Variants in GPR158 observed in about 807,000 individuals in gnomAD.
GPR158 encodes G protein-coupled receptor 158, also known as metabotropic glycine receptor.
GPR158 carries 30 observed loss-of-function variants against 78.2 expected under a neutral mutation model. The observed-to-expected ratio is 0.38, with a 90% CI of 0.29 to 0.52. GPR158 has a LOEUF of 0.52. GPR158 is among the 20% of genes least tolerant of loss of function. GPR158 has a pLI of 0.83. For missense variants in GPR158, 1,463 were observed against 1,523.5 expected (o/e 0.96, Z 0.66); for synonymous variants, 581 against 591.1 (o/e 0.98, Z 0.25).
rs370391499 is a variant in GPR158, at chr10:25,394,256, T to C, written c.1009-1655T>C. 2.0e-5 allele frequency among the ~76,000 whole-genome samples: 3 copies of C among 152,316 alleles called. No individual in the cohort carries two copies. The South Asian group carries it at 6.2e-4, about 32-fold the overall frequency. Reference sequence around the variant, plus strand: ...ATGTCTGTGTCTGGTGGAATAGTTATTCTCATTAATTAAAGACAGTAAGGC... The same window carrying C: ...ATGTCTGTGTCTGGTGGAATAGTTACTCTCATTAATTAAAGACAGTAAGGC... On this transcript the variant is annotated intron_variant, in intron 2 of 10. Coordinates refer to ENST00000376351, the MANE Select transcript of GPR158 (RefSeq NM_020752.3).
intron 1 of GPR158, among the ~76,000 whole-genome samples, chr10:25,180,747 A>G (rs1852601524): frequency 6.6e-6 from 1 of 152,162 alleles, no homozygotes; most frequent in African/African-American, 2.4e-5. Context: ...ATGGTCAACA[A>G]ATATGTTTTG....
At chr10:25,359,429 C>G (rs1293413215) in intron 2 of GPR158, among the ~76,000 whole-genome samples, 1 of 152,016 alleles carries the variant, frequency 6.6e-6, no homozygotes, top group African/African-American at 2.4e-5. Context: ...CCCTGACAGG[C>G]CTGAGTATAT....
chr10:25,552,326 C>T (rs1836737239), intron 6 of GPR158, among the ~76,000 whole-genome samples: 1 of 152,190 alleles, frequency 6.6e-6, no homozygotes, highest in African/African-American at 2.4e-5. Flanking sequence ...CTTCAACTAC[C>T]TTCCAGGTTT....
intron 6 of GPR158, among the ~76,000 whole-genome samples, chr10:25,563,000 G>A (rs958546570): frequency 1.3e-5 from 2 of 152,072 alleles, no homozygotes; most frequent in African/African-American, 4.8e-5. Context: ...ATCTTCTTGA[G>A]GGATTGACCC....
At chr10:25,389,488 G>T (rs1185381982) in intron 2 of GPR158, among the ~76,000 whole-genome samples, 1 of 152,186 alleles carries the variant, frequency 6.6e-6, no homozygotes, top group Non-Finnish European at 1.5e-5. Flanking sequence ...ACAGAGAGGA[G>T]TTCCCCACTG....
intron 5 of GPR158, among the ~76,000 whole-genome samples, chr10:25,535,932 C>T (rs1218250240): frequency 1.3e-5 from 2 of 152,178 alleles, no homozygotes; most frequent in Non-Finnish European, 2.9e-5. Context: ...AGTAATAAAA[C>T]TGGCATTTCT....
At chr10:25,349,367 C>A (rs142539364) in intron 2 of GPR158, among the ~76,000 whole-genome samples, 8 of 127,890 alleles carry the variant, frequency 6.3e-5, no homozygotes, top group Non-Finnish European at 1.2e-4. Context: ...TTAACTTAAA[C>A]ACATTTGCAA....
At chr10:25,496,307 C>T (rs772216438) in intron 5 of GPR158, among the ~76,000 whole-genome samples, 2 of 152,082 alleles carry the variant, frequency 1.3e-5, no homozygotes, top group African/African-American at 2.4e-5. Context: ...GACTATACTA[C>T]GGGATCCTTT....
At chr10:25,246,598 G>A (rs1853692989) in intron 2 of GPR158, among the ~76,000 whole-genome samples, 1 of 152,178 alleles carries the variant, frequency 6.6e-6, no homozygotes, top group African/African-American at 2.4e-5. Context: ...CATGGCACCT[G>A]CCTGCAAAGA....
chr10:25,409,961 A>G (rs1046124262), intron 3 of GPR158, among the ~76,000 whole-genome samples: 3 of 152,078 alleles, frequency 2.0e-5, no homozygotes, highest in African/African-American at 7.3e-5. Flanking sequence ...TAAAACTCCT[A>G]CTCTTTGGAA....
chr10:25,216,645 A>G (rs1418824253), intron 1 of GPR158, among the ~76,000 whole-genome samples: 1 of 152,196 alleles, frequency 6.6e-6, no homozygotes, highest in Non-Finnish European at 1.5e-5. Context: ...ATATTATAAT[A>G]TAGTGTGCTA....
intron 2 of GPR158, among the ~76,000 whole-genome samples, chr10:25,295,389 C>G (rs1854497053): frequency 6.6e-6 from 1 of 152,050 alleles, no homozygotes; most frequent in South Asian, 2.1e-4. Flanking sequence ...TGTCTCTCTC[C>G]TGCTCAAAAC....
chr10:25,372,854 A>G (rs960399430), intron 2 of GPR158, among the ~76,000 whole-genome samples: 1 of 151,802 alleles, frequency 6.6e-6, no homozygotes, highest in Non-Finnish European at 1.5e-5. Context: ...AACTTTAATA[A>G]TAATAAAATA....
intron 5 of GPR158, among the ~76,000 whole-genome samples, chr10:25,488,230 G>A (rs1275414692): frequency 1.3e-5 from 2 of 152,046 alleles, no homozygotes; most frequent in African/African-American, 4.8e-5. Context: ...AGGGGACATG[G>A]GGAAGGAATA....
At chr10:25,429,211 C>T (rs1931290) in intron 4 of GPR158, among the ~76,000 whole-genome samples, 106,308 of 151,904 alleles carry the variant, frequency 0.7, 38,209 homozygotes, top group Non-Finnish European at 0.8. Context: ...TCACAGGTGC[C>T]TTTCCCTAAT....
At chr10:25,220,954 C>A in intron 1 of GPR158, 98 bp from the exon 2 acceptor site, 3 of 728,468 alleles carry the variant, frequency 4.1e-6, no homozygotes, top group Non-Finnish European at 4.5e-6. Flanking sequence ...CAATTTTTGG[C>A]ATGTTCTTTA....
chr10:25,195,364 C>T (rs1165350006), intron 1 of GPR158, among the ~76,000 whole-genome samples: 1 of 152,080 alleles, frequency 6.6e-6, no homozygotes. Flanking sequence ...CACCACCACA[C>T]TGGGCTAAAT....
intron 5 of GPR158, among the ~76,000 whole-genome samples, chr10:25,505,161 T>C (rs1463557318): frequency 6.6e-6 from 1 of 152,158 alleles, no homozygotes; most frequent in Non-Finnish European, 1.5e-5. Flanking sequence ...ATTTTGATAA[T>C]GATGTTGACA....
chr10:25,315,006 A>G (rs1298215173), intron 2 of GPR158, among the ~76,000 whole-genome samples: 1 of 151,300 alleles, frequency 6.6e-6, no homozygotes, highest in Admixed American at 6.6e-5. Flanking sequence ...ACTGTTTTTA[A>G]TACCTCTATT....
Sources: gnomAD v4.1 joint callset for allele counts (sites outside exome capture counted in the v4.1 genomes callset) on GRCh38, gnomAD v4.1.1 for gene constraint, MANE v1.5 for transcripts, NCBI Gene and HGNC (gene_info 2026-07-23, HGNC 2026-07-21) for gene names.